RUNDC3B: variants seen among roughly 807,000 people sequenced by gnomAD.
The protein encoded by RUNDC3B is RUN domain containing 3B.
Under a neutral mutation model 58.4 loss-of-function variants are expected in RUNDC3B, and 33 were observed. That is an observed-to-expected ratio of 0.56 (90% CI 0.43 to 0.75). The LOEUF (loss-of-function observed/expected upper bound fraction) is 0.75, where lower values mean the gene tolerates loss of function less well. Ranked by LOEUF, RUNDC3B falls within the 30% of genes least tolerant of loss-of-function variation. RUNDC3B has a pLI of 0.00. For missense variants in RUNDC3B, 501 were observed against 535.7 expected (o/e 0.94, Z 0.64); for synonymous variants, 193 against 195.2 (o/e 0.99, Z 0.10).
chr7:87,730,278 A>G lies in RUNDC3B; in HGVS notation c.459-9513A>G, dbSNP rs1165947562. ...GTGATGTAGAGAAACAAGTAGGTTCATGGGGTCCCCAGTTCTAGGCCCTGG... is the reference window on the plus strand; with the variant it reads ...GTGATGTAGAGAAACAAGTAGGTTCGTGGGGTCCCCAGTTCTAGGCCCTGG... On this transcript the variant is annotated intron_variant, in intron 4 of 10. Transcript: ENST00000394654. Among the ~76,000 whole-genome samples the G allele has an allele frequency of 2.6e-5, 4 of 151,990 alleles. No individual in the cohort carries two copies. In the South Asian group the frequency reaches 8.3e-4, roughly 32 times the overall value.
At chr7:87,659,230 A>G in intron 2 of RUNDC3B, 1 of 429,260 alleles carries the variant, frequency 2.3e-6, no homozygotes, top group Non-Finnish European at 4.6e-6. Context: ...GAATATGGGT[A>G]AATACATTAG....
intron 2 of RUNDC3B, among the ~76,000 whole-genome samples, chr7:87,670,401 G>A (rs1040910028): frequency 1.3e-5 from 2 of 152,014 alleles, no homozygotes; most frequent in South Asian, 4.1e-4. Flanking sequence ...CATTTTCCTT[G>A]GATTGGGTTT....
At chr7:87,712,221 C>T (rs1337361194) in intron 4 of RUNDC3B, among the ~76,000 whole-genome samples, 2 of 151,882 alleles carry the variant, frequency 1.3e-5, no homozygotes, top group South Asian at 2.1e-4. Context: ...CTGATATATA[C>T]TTATTTAACT....
intron 6 of RUNDC3B, among the ~76,000 whole-genome samples, chr7:87,755,027 C>CT (rs200129505): frequency 0.053 from 7,209 of 136,714 alleles, 264 homozygotes; most frequent in East Asian, 0.096. Context: ...GATACAATTT[C>CT]TTTTTTTTTT....
chr7:87,786,133 G>C (rs557677772), intron 8 of RUNDC3B, among the ~76,000 whole-genome samples: 1 of 152,250 alleles, frequency 6.6e-6, no homozygotes, highest in East Asian at 1.9e-4. Flanking sequence ...CTTGAAGGGA[G>C]ATGTGTTTCC....
Position 87,741,539 on chromosome 7 carries a change from G to A in RUNDC3B, c.589G>A (p.Ala197Thr). 6.3e-7 allele frequency: 1 copy of A among 1,589,408 alleles called. No individual in the cohort carries two copies. The highest frequency in any genetic ancestry group is 8.6e-7 in the Non-Finnish European group (1 of 1,162,722). ...AGAGGGGCTGGATGGCAGTTTTCCT[G>A]CTGTAATAGACTATACACCATATTT... ...KGEGLDGSFPAVIDYTPYLKY... is the reference protein window; with the variant it reads ...KGEGLDGSFPTVIDYTPYLKY... Residue 197 changes from alanine (A) to threonine (T), a missense_variant, in exon 6 of 11, where the codon GCT (alanine) becomes ACT (threonine). By Grantham distance (58) the Ala-to-Thr change is moderately conservative. Transcript: ENST00000394654.
At chr7:87,712,045 A>C (rs1583965368) in intron 4 of RUNDC3B, among the ~76,000 whole-genome samples, 1 of 152,232 alleles carries the variant, frequency 6.6e-6, no homozygotes, top group East Asian at 1.9e-4. Flanking sequence ...CTTTCAACTA[A>C]CTAGCTGGTA....
intron 2 of RUNDC3B, among the ~76,000 whole-genome samples, chr7:87,664,698 C>G (rs992055285): frequency 2.0e-5 from 3 of 151,850 alleles, no homozygotes; most frequent in African/African-American, 7.3e-5. Context: ...TAGAAATGAT[C>G]CAATCTGAAG....
At chr7:87,640,166 C>G (rs1156831147) in intron 1 of RUNDC3B, among the ~76,000 whole-genome samples, 1 of 148,918 alleles carries the variant, frequency 6.7e-6, no homozygotes, top group African/African-American at 2.5e-5. Flanking sequence ...TCCCCCACAT[C>G]CTAAAACATA....
chr7:87,698,505 A>AAAAATATATT (rs1828711493), intron 2 of RUNDC3B, among the ~76,000 whole-genome samples: 3 of 152,192 alleles, frequency 2.0e-5, no homozygotes, highest in Non-Finnish European at 2.9e-5. Flanking sequence ...AAAATATTTG[A>AAAAATATATT]TGTTTGTAAT....
In RUNDC3B at chr7:87,697,146, G is replaced by A. The variant is rs144724572; in HGVS notation, c.239-3275G>A. Among the ~76,000 whole-genome samples, 373 of 152,108 alleles carry A rather than the reference G, an allele frequency of 2.5e-3. 1 individual carries two copies. The highest frequency in any genetic ancestry group is 8.3e-3 in the African/African-American group (343 of 41,508). ...GGACCCTTGTACATTTCCTTAAAAC[G>A]GAAAATCTTCTTGTTCATGGACAAC... On this transcript the variant is annotated intron_variant, in intron 2 of 10. Transcript: ENST00000394654.
At chr7:87,775,053 TA>T (rs1317078972) in intron 7 of RUNDC3B, among the ~76,000 whole-genome samples, 4 of 152,258 alleles carry the variant, frequency 2.6e-5, no homozygotes, top group African/African-American at 9.6e-5. Flanking sequence ...TTTTTAAATG[TA>T]CTCCTTCTAC....
At position 87,665,469 on chromosome 7, in the gene RUNDC3B, C is replaced by T. The variant is rs542415528; in HGVS notation, c.238+14532C>T. On this transcript the variant is annotated intron_variant, in intron 2 of 10. Coordinates refer to ENST00000394654, the MANE Select transcript of RUNDC3B (RefSeq NM_001134405.2). Reference sequence around the variant, plus strand: ...AATAAATAGAAATATATCTCATGCTCATGGGTTGGAAGAATTTTTATTGTT... The same window carrying T: ...AATAAATAGAAATATATCTCATGCTTATGGGTTGGAAGAATTTTTATTGTT... 5.8e-4 allele frequency among the ~76,000 whole-genome samples: 89 copies of T among 152,208 alleles called. 1 individual carries two copies. Among genetic ancestry groups the T allele is most frequent in the African/African-American group, 2.1e-3 (88 of 41,542 alleles).
At chr7:87,740,418 G>A (rs1832250245) in intron 5 of RUNDC3B, among the ~76,000 whole-genome samples, 1 of 151,756 alleles carries the variant, frequency 6.6e-6, no homozygotes, top group Non-Finnish European at 1.5e-5. Context: ...GCTAAAAATG[G>A]GCAATACAAG....
rs117502888 is a variant in RUNDC3B at position 87,766,439 on chromosome 7, C to T, written c.630-4142C>T. Among the ~76,000 whole-genome samples the T allele has an allele frequency of 7.0e-3, 1,058 of 152,104 alleles. 8 individuals carry two copies. Among genetic ancestry groups the T allele is most frequent in the Middle Eastern group, 0.034 (10 of 294 alleles). On this transcript the variant is annotated intron_variant, in intron 6 of 10. Transcript: ENST00000394654. ...TCATTTCTTGTAGGACTAGTCTAAT[C>T]GTGATTAATTCCCTTAGTGCTTGCT...
At chr7:87,716,381 C>G (rs13312075) in intron 4 of RUNDC3B, among the ~76,000 whole-genome samples, 1 of 152,200 alleles carries the variant, frequency 6.6e-6, no homozygotes, top group Non-Finnish European at 1.5e-5. Flanking sequence ...TTTGAATTCT[C>G]TGAAAATATA....
At chr7:87,734,254 T>C (rs1831783557) in intron 4 of RUNDC3B, among the ~76,000 whole-genome samples, 1 of 152,178 alleles carries the variant, frequency 6.6e-6, no homozygotes, top group South Asian at 2.1e-4. Context: ...AGGTTAAACA[T>C]AGAGTTACCA....
intron 2 of RUNDC3B, among the ~76,000 whole-genome samples, chr7:87,655,360 G>A (rs763616026): frequency 1.1e-4 from 16 of 151,986 alleles, no homozygotes; most frequent in Non-Finnish European, 1.5e-4. Context: ...AAAAAGTTGC[G>A]TATATAAACA....
chr7:87,793,947 C>CA (rs1835667987), intron 8 of RUNDC3B, among the ~76,000 whole-genome samples: 1 of 152,096 alleles, frequency 6.6e-6, no homozygotes, highest in Non-Finnish European at 1.5e-5. Context: ...AAGACTCCAC[C>CA]AAAAAACTAT....
Sources: gnomAD v4.1 joint callset for allele counts (sites outside exome capture counted in the v4.1 genomes callset) on GRCh38, gnomAD v4.1.1 for gene constraint, MANE v1.5 for transcripts, NCBI Gene and HGNC (gene_info 2026-07-23, HGNC 2026-07-21) for gene names.